Variants in GKAP1 observed in about 807,000 individuals in gnomAD.
GKAP1 encodes the protein G kinase anchoring protein 1, also known as G kinase-anchoring protein 1.
A neutral mutation model predicts 56.7 loss-of-function variants in GKAP1; 31 were observed. That is an observed-to-expected ratio of 0.55 (90% CI 0.41 to 0.74). The LOEUF (loss-of-function observed/expected upper bound fraction) is 0.74, where lower values mean the gene tolerates loss of function less well. Among genes scored for constraint, GKAP1 ranks in the 30% least tolerant of loss-of-function variants. GKAP1 has a pLI of 0.00. For synonymous variants in GKAP1, 151 were observed against 138.6 expected, an observed-to-expected ratio of 1.09 and a Z score of -0.63; for missense variants, 364 against 402.3, an observed-to-expected ratio of 0.90 and a Z score of 0.82.
At chr9:83,800,342 G>T (rs72749117) in intron 3 of GKAP1, among the ~76,000 whole-genome samples, 57,422 of 121,406 alleles carry the variant, frequency 0.47, 10,578 homozygotes, top group Admixed American at 0.59. Context: ...TTTTTTTTTT[G>T]TTTTTTTTTT....
chr9:83,753,081 C>CAACAACATAA, intron 9 of GKAP1, among the ~76,000 whole-genome samples, 177 bp downstream of exon 9: 1 of 149,606 alleles, frequency 6.7e-6, no homozygotes, highest in East Asian at 2.0e-4. Flanking sequence ...ACAACAACAA[C>CAACAACATAA]ATAAATAAAT....
chr9:83,759,405 T>A (rs1042343264), intron 8 of GKAP1, among the ~76,000 whole-genome samples: 4 of 152,054 alleles, frequency 2.6e-5, no homozygotes, highest in Admixed American at 6.6e-5. Flanking sequence ...AGACTACAGA[T>A]GCATGCCAAC....
At chr9:83,766,081 G>A (rs1250768786) in intron 8 of GKAP1, among the ~76,000 whole-genome samples, 2 of 152,162 alleles carry the variant, frequency 1.3e-5, no homozygotes, top group Non-Finnish European at 1.5e-5. Flanking sequence ...GGGATCAGGT[G>A]GGAGATAATT....
intron 10 of GKAP1, among the ~76,000 whole-genome samples, chr9:83,747,713 T>C (rs1490973757): frequency 6.6e-6 from 1 of 151,934 alleles, no homozygotes; most frequent in Admixed American, 6.6e-5. Context: ...CTCGGCTCAC[T>C]GCAACCTCTG....
intron 8 of GKAP1, among the ~76,000 whole-genome samples, chr9:83,761,075 A>G (rs1943562396): frequency 6.6e-6 from 1 of 151,970 alleles, no homozygotes; most frequent in Non-Finnish European, 1.5e-5. Flanking sequence ...TGAAATTGAA[A>G]TGAAGAATCC....
intron 4 of GKAP1, among the ~76,000 whole-genome samples, chr9:83,792,799 A>C (rs1267170965): frequency 1.3e-5 from 2 of 152,170 alleles, no homozygotes; most frequent in Non-Finnish European, 2.9e-5. Flanking sequence ...TAAAATGCAA[A>C]TAAAAGCATA....
chr9:83,809,221 C>A (rs563825833), intron 2 of GKAP1, among the ~76,000 whole-genome samples: 10 of 152,292 alleles, frequency 6.6e-5, no homozygotes, highest in African/African-American at 1.9e-4. Flanking sequence ...TAGAAATTTT[C>A]TTTCTGTAGC....
At chr9:83,792,800 TA>T (rs772708539) in intron 4 of GKAP1, among the ~76,000 whole-genome samples, 21 of 151,970 alleles carry the variant, frequency 1.4e-4, no homozygotes, top group Non-Finnish European at 2.6e-4. Flanking sequence ...AAAATGCAAA[TA>T]AAAGCATACT....
intron 10 of GKAP1, among the ~76,000 whole-genome samples, chr9:83,743,200 G>A (rs1943237033): frequency 6.6e-6 from 1 of 152,024 alleles, no homozygotes; most frequent in Non-Finnish European, 1.5e-5. Flanking sequence ...CAAATATGGT[G>A]CAAGATTAAT....
chr9:83,775,011 CT>C (rs76738284), intron 7 of GKAP1, among the ~76,000 whole-genome samples: 193 of 145,200 alleles, frequency 1.3e-3, no homozygotes, highest in African/African-American at 2.7e-3. Context: ...CCGGCCCCTT[CT>C]TTTTTTTTTT....
At chr9:83,766,935 G>A (rs1943673720) in intron 8 of GKAP1, among the ~76,000 whole-genome samples, 1 of 152,202 alleles carries the variant, frequency 6.6e-6, no homozygotes, top group Admixed American at 6.5e-5. Context: ...AGGAATCACA[G>A]AAAATTAAGG....
At chr9:83,774,593 CAAA>C (rs536622445) in intron 7 of GKAP1, among the ~76,000 whole-genome samples, 2 of 76,836 alleles carry the variant, frequency 2.6e-5, no homozygotes, top group Non-Finnish European at 2.6e-5. Context: ...GACCCTGTCT[CAAA>C]AAAAAAAAAA....
At chr9:83,759,481 AATT>A (rs1180943902) in intron 8 of GKAP1, among the ~76,000 whole-genome samples, 1 of 152,070 alleles carries the variant, frequency 6.6e-6, no homozygotes, top group Non-Finnish European at 1.5e-5. Flanking sequence ...AATGTCATCA[AATT>A]ATTATTTGGT....
At chr9:83,793,865 G>A (rs183721780) in intron 4 of GKAP1, among the ~76,000 whole-genome samples, 3 of 152,232 alleles carry the variant, frequency 2.0e-5, no homozygotes, top group Admixed American at 2.0e-4. Flanking sequence ...CTAGCTACCT[G>A]TCATGAAATC....
intron 2 of GKAP1, among the ~76,000 whole-genome samples, chr9:83,814,715 A>T (rs1259041141): frequency 6.6e-6 from 1 of 152,272 alleles, no homozygotes; most frequent in Non-Finnish European, 1.5e-5. Flanking sequence ...ACAAGTAGAA[A>T]AAGAAATATG....
At chr9:83,799,400 A>G (rs1234420380) in intron 3 of GKAP1, 72 bp from the exon 4 acceptor site, 1 of 1,096,280 alleles carries the variant, frequency 9.1e-7, no homozygotes, top group African/African-American at 1.7e-5. Flanking sequence ...TTTTAATTAA[A>G]AAAAAACCAA....
intron 9 of GKAP1, among the ~76,000 whole-genome samples, chr9:83,749,474 G>A (rs11791748): frequency 0.024 from 3,692 of 152,096 alleles, 76 homozygotes; most frequent in Non-Finnish European, 0.036. Context: ...TGATCAACCC[G>A]CCTTGGCCTC....
At chr9:83,794,076 G>A (rs1944205781) in intron 4 of GKAP1, among the ~76,000 whole-genome samples, 1 of 152,274 alleles carries the variant, frequency 6.6e-6, no homozygotes. Context: ...GCTGAGGCGG[G>A]AGAATCATCT....
chr9:83,797,618 G>A (rs954787344), intron 4 of GKAP1, among the ~76,000 whole-genome samples: 1 of 152,106 alleles, frequency 6.6e-6, no homozygotes, highest in Non-Finnish European at 1.5e-5. Context: ...GCAGAAATTC[G>A]TCAAAGTTCC....
Sources: gnomAD v4.1 joint callset for allele counts (sites outside exome capture counted in the v4.1 genomes callset) on GRCh38, gnomAD v4.1.1 for gene constraint, MANE v1.5 for transcripts, NCBI Gene and HGNC (gene_info 2026-07-23, HGNC 2026-07-21) for gene names.